KMT2C: variants seen among roughly 807,000 people sequenced by gnomAD.
The protein encoded by KMT2C is lysine methyltransferase 2C, also known as histone-lysine N-methyltransferase 2C.
Under a neutral mutation model 507.9 loss-of-function variants are expected in KMT2C, and 88 were observed. The observed-to-expected ratio is 0.17, with a 90% CI of 0.15 to 0.21. The LOEUF is 0.21. Ranked by LOEUF, KMT2C falls within the 10% of genes least tolerant of loss-of-function variation. The pLI, the probability that KMT2C is intolerant of heterozygous loss-of-function variation, is 1.00. For missense variants in KMT2C, 4,954 were observed against 5,957.8 expected, an observed-to-expected ratio of 0.83 and a Z score of 5.55; for synonymous variants, 2,049 against 2,080.8, an observed-to-expected ratio of 0.98 and a Z score of 0.42.
chr7:152,169,356 T>TA, intron 40 of KMT2C, 107 bp from the exon 41 acceptor site: 1 of 671,916 alleles, frequency 1.5e-6, no homozygotes, highest in Non-Finnish European at 2.6e-6. Flanking sequence ...AAAAACCCTT[T>TA]AATTTCCTAA....
At chr7:152,197,948 G>A (rs1003736960) in intron 27 of KMT2C, among the ~76,000 whole-genome samples, 4 of 151,766 alleles carry the variant, frequency 2.6e-5, no homozygotes. Context: ...AAAAAAACTT[G>A]TATCAATATC....
chr7:152,152,270 C>G (rs942421601), intron 49 of KMT2C, among the ~76,000 whole-genome samples: 1 of 152,140 alleles, frequency 6.6e-6, no homozygotes, highest in Non-Finnish European at 1.5e-5. Context: ...GAGAAGGGCC[C>G]TATAGAGCTG....
intron 7 of KMT2C, among the ~76,000 whole-genome samples, chr7:152,269,693 T>C (rs999997114): frequency 1.3e-5 from 2 of 152,162 alleles, no homozygotes; most frequent in East Asian, 1.9e-4. Context: ...CTCAGCAAAC[T>C]TTACTACTGA....
At chr7:152,318,077 G>A (rs2096737909) in intron 3 of KMT2C, among the ~76,000 whole-genome samples, 1 of 152,098 alleles carries the variant, frequency 6.6e-6, no homozygotes, top group Non-Finnish European at 1.5e-5. Flanking sequence ...GGCGGAGGTT[G>A]CAATGAACTG....
rs140246095 is a variant in KMT2C at position 152,158,882 on chromosome 7, G to A, written c.11651C>T (p.Thr3884Met). Residue 3884 changes from threonine to methionine, a missense_variant, in exon 44 of 59, where the codon ACG becomes ATG. By Grantham distance (81) the Thr-to-Met change is moderately conservative. Transcript: ENST00000262189. ...CCTCACCTGTTTCAAGTGGGTAAACGTGTCAGTGCTAGAGTACATAGCTTG... is the reference window on the plus strand; with the variant it reads ...CCTCACCTGTTTCAAGTGGGTAAACATGTCAGTGCTAGAGTACATAGCTTG... ...EKQAMYSSTD[T>M]FTHLKQQNNL... is the part of the protein sequence containing the mutation. The A allele has an allele frequency of 3.6e-5, 58 of 1,614,060 alleles. No individual in the cohort carries two copies. The highest frequency in any genetic ancestry group is 1.8e-4 in the Admixed American group (11 of 60,028).
intron 1 of KMT2C, among the ~76,000 whole-genome samples, chr7:152,396,107 G>C (rs1292871596): frequency 6.6e-6 from 1 of 152,134 alleles, no homozygotes; most frequent in Non-Finnish European, 1.5e-5. Flanking sequence ...TTTGAACATA[G>C]GCAGTTCTGA....
In KMT2C at chr7:152,139,670, C is replaced by G. The variant is rs775549635; in HGVS notation, c.14460+5G>C. ...TGTATACAATCTCGGGGACCAGACA[C>G]CTACCTGAGACTCATAAAGCTTCTC... On this transcript the variant is annotated splice_donor_5th_base_variant and intron_variant, in intron 56 of 58. Coordinates refer to ENST00000262189, the MANE Select transcript of KMT2C (RefSeq NM_170606.3). 6.3e-7 allele frequency: 1 copy of G among 1,590,216 alleles called. No homozygotes were observed. Among genetic ancestry groups the G allele is most frequent in the Non-Finnish European group, 8.6e-7 (1 of 1,158,258 alleles).
intron 2 of KMT2C, among the ~76,000 whole-genome samples, chr7:152,338,237 A>T (rs926797770): frequency 6.6e-6 from 1 of 152,200 alleles, no homozygotes; most frequent in Admixed American, 6.5e-5. Context: ...AGAATAAAGA[A>T]GACATTTATT....
At chr7:152,342,070 T>C (rs1407783743) in intron 2 of KMT2C, among the ~76,000 whole-genome samples, 2 of 152,172 alleles carry the variant, frequency 1.3e-5, no homozygotes, top group Admixed American at 6.5e-5. Flanking sequence ...TCTCATCAAG[T>C]GTACTGACAA....
At chr7:152,241,597 G>A (rs2095387174) in intron 14 of KMT2C, among the ~76,000 whole-genome samples, 1 of 152,136 alleles carries the variant, frequency 6.6e-6, no homozygotes, top group Admixed American at 6.5e-5. Context: ...CACACCATTA[G>A]TGCCTCTCAT....
intron 16 of KMT2C, among the ~76,000 whole-genome samples, chr7:152,233,287 T>C (rs1317672049): frequency 6.6e-6 from 1 of 152,208 alleles, no homozygotes; most frequent in Non-Finnish European, 1.5e-5. Flanking sequence ...AAAGGTAATC[T>C]TTGAGAAAAT....
At chr7:152,342,285 G>T (rs1434732942) in intron 2 of KMT2C, among the ~76,000 whole-genome samples, 1 of 151,874 alleles carries the variant, frequency 6.6e-6, no homozygotes, top group Non-Finnish European at 1.5e-5. Context: ...AGTCACAAAT[G>T]GTAATCTTGA....
At chr7:152,305,767 C>T (rs2096610985) in intron 6 of KMT2C, among the ~76,000 whole-genome samples, 1 of 152,110 alleles carries the variant, frequency 6.6e-6, no homozygotes, top group Non-Finnish European at 1.5e-5. Flanking sequence ...AACAGGTTTT[C>T]ATCTTTTTAA....
intron 6 of KMT2C, among the ~76,000 whole-genome samples, chr7:152,287,843 ATG>A (rs2096330795): frequency 6.7e-6 from 1 of 150,084 alleles, no homozygotes; most frequent in Non-Finnish European, 1.5e-5. Flanking sequence ...GGCCAACATC[ATG>A]AAACCCCATC....
At chr7:152,189,481 A>AT (rs200645747) in intron 31 of KMT2C, among the ~76,000 whole-genome samples, 151 of 151,696 alleles carry the variant, frequency 1.0e-3, no homozygotes, top group African/African-American at 2.9e-3. Flanking sequence ...TGATCACTTG[A>AT]TTTTTTTTTA....
At chr7:152,207,259 A>G (rs2094333447) in intron 24 of KMT2C, 41 bp downstream of exon 24, 2 of 1,370,962 alleles carry the variant, frequency 1.5e-6, no homozygotes, top group Non-Finnish European at 2.0e-6. Flanking sequence ...TTAATTAACC[A>G]AGTGTTGATG....
chr7:152,143,719 T>C (rs1672206525), intron 55 of KMT2C, among the ~76,000 whole-genome samples: 2 of 152,230 alleles, frequency 1.3e-5, no homozygotes, highest in Non-Finnish European at 2.9e-5. Flanking sequence ...CAAAAAGACC[T>C]CCACTGAGGT....
intron 6 of KMT2C, among the ~76,000 whole-genome samples, chr7:152,276,761 C>CAAA (rs200452834): frequency 7.7e-6 from 1 of 129,132 alleles, no homozygotes; most frequent in African/African-American, 2.8e-5. Flanking sequence ...CTATAAAATT[C>CAAA]AAAAAAAAAA....
At chr7:152,365,207 G>A (rs2097231875) in intron 1 of KMT2C, among the ~76,000 whole-genome samples, 1 of 152,106 alleles carries the variant, frequency 6.6e-6, no homozygotes, top group South Asian at 2.1e-4. Flanking sequence ...GCAAAAAAAA[G>A]TATCCTTCAA....
Sources: gnomAD v4.1 joint callset for allele counts (sites outside exome capture counted in the v4.1 genomes callset) on GRCh38, gnomAD v4.1.1 for gene constraint, MANE v1.5 for transcripts, NCBI Gene and HGNC (gene_info 2026-07-23, HGNC 2026-07-21) for gene names.